Variants in ANK2 observed in about 807,000 individuals in gnomAD.
ANK2 encodes ankyrin 2.
A neutral mutation model predicts 360.5 loss-of-function variants in ANK2; 83 were observed. That is an observed-to-expected ratio of 0.23 (90% confidence interval 0.19 to 0.28). The LOEUF (loss-of-function observed/expected upper bound fraction) is 0.28, where lower values mean the gene tolerates loss of function less well. ANK2 is among the 10% of genes least tolerant of loss of function. The pLI is 1.00. For synonymous variants in ANK2, 1,740 were observed against 1,759.5 expected (o/e 0.99, Z 0.28); for missense variants, 4,201 against 4,795.7 (o/e 0.88, Z 3.66).
chr4:113,348,290 T>A lies in ANK2; in HGVS notation c.4386T>A (p.Asp1462Glu). 5 of 1,613,470 alleles carry A rather than the reference T, an allele frequency of 3.1e-6. No individual in the cohort carries two copies. The highest frequency in any genetic ancestry group is 4.2e-6 in the Non-Finnish European group (5 of 1,179,562). Reference sequence around the variant, plus strand: ...GGGGCGGAAAGGAATCAGAGTCAGATCAAGAACAGGAGGAAGAGGTAATTT... The same window carrying A: ...GGGGCGGAAAGGAATCAGAGTCAGAACAAGAACAGGAGGAAGAGGTAATTT... ...LPIYTKESES[D>E]QEQEEEIDMT... Residue 1462 changes from aspartate to glutamate, a missense_variant, in exon 36 of 46, where the codon GAT (aspartate) becomes GAA (glutamate). Coordinates refer to ENST00000357077, the MANE Select transcript of ANK2 (RefSeq NM_001148.6).
chr4:112,710,061 T>C, the ANK2 span, among the ~76,000 whole-genome samples: 10,796 of 152,274 alleles, frequency 0.071, 607 homozygotes, highest in African/African-American at 0.15. Context: ...AGCATGGTGC[T>C]GAGCGAGGCA....
Position 113,265,484 on chromosome 4 carries a change from T to C in ANK2, c.1485+489T>C, listed in dbSNP as rs542536563. On this transcript the variant is annotated intron_variant, in intron 14 of 45. Coordinates refer to ENST00000357077, the MANE Select transcript of ANK2 (RefSeq NM_001148.6). ...TTTGCCTTCCCTCCTTTTTATGATA[T>C]TTACTTTTCTTCTTACTCTGATTTT... 7.2e-5 allele frequency among the ~76,000 whole-genome samples: 11 copies of C among 152,324 alleles called. 1 individual carries two copies. The highest frequency in any genetic ancestry group is 6.2e-4 in the South Asian group (3 of 4,828).
chr4:113,081,861 G>A (rs938089637), intron 1 of ANK2, among the ~76,000 whole-genome samples: 2 of 150,690 alleles, frequency 1.3e-5, no homozygotes, highest in African/African-American at 2.4e-5. Flanking sequence ...CTAAGCTGGA[G>A]TGCAATGGTG....
At chr4:113,366,950 G>GAT (rs1475763660) in intron 41 of ANK2, among the ~76,000 whole-genome samples, 1 of 152,102 alleles carries the variant, frequency 6.6e-6, no homozygotes. Context: ...TGAGTCAATA[G>GAT]ATGAATGCCA....
intron 14 of ANK2, among the ~76,000 whole-genome samples, chr4:113,272,396 C>T (rs971909513): frequency 6.6e-6 from 1 of 152,218 alleles, no homozygotes; most frequent in Non-Finnish European, 1.5e-5. Context: ...TTCTTCTGCA[C>T]TTCCCCAATT....
intron 1 of ANK2, among the ~76,000 whole-genome samples, chr4:113,128,822 A>G (rs1274148433): frequency 6.6e-6 from 1 of 152,206 alleles, no homozygotes; most frequent in Non-Finnish European, 1.5e-5. Flanking sequence ...ATATAAAAAC[A>G]AATACGTAGA....
chr4:112,882,869 C>A (rs1056252254), intron 1 of ANK2, among the ~76,000 whole-genome samples: 3 of 151,810 alleles, frequency 2.0e-5, no homozygotes, highest in Admixed American at 2.0e-4. Flanking sequence ...AGGATGAAAG[C>A]CTTTATTAGC....
At chr4:113,170,482 A>G (rs1226871010) in intron 1 of ANK2, among the ~76,000 whole-genome samples, 3 of 152,216 alleles carry the variant, frequency 2.0e-5, no homozygotes, top group Admixed American at 6.5e-5. Context: ...ACACAAAGAC[A>G]TATACCGAAG....
chr4:112,705,819 A>G, the ANK2 span, among the ~76,000 whole-genome samples: 1 of 152,158 alleles, frequency 6.6e-6, no homozygotes, highest in Non-Finnish European at 1.5e-5. Flanking sequence ...GGCAGCTCGC[A>G]CTTTCAGAGC....
chr4:113,382,089 G>T lies in ANK2; in HGVS notation c.*618G>T. 1 of 176,456 alleles carries T rather than the reference G, an allele frequency of 5.7e-6. No homozygotes were observed. 10.9% of individuals were successfully genotyped at this position (176,456 alleles called of 1,614,324 possible). ...AACCACTGCCTATTGTAACTACACT[G>T]GGCATCAGAATAAAAGGCCTCTAGA... On this transcript the variant is annotated 3_prime_UTR_variant, in exon 46 of 46. Coordinates refer to ENST00000357077, the MANE Select transcript of ANK2 (RefSeq NM_001148.6).
At chr4:112,755,576 G>T in the ANK2 span, among the ~76,000 whole-genome samples, 159 of 152,276 alleles carry the variant, frequency 1.0e-3, no homozygotes, top group African/African-American at 3.2e-3. Flanking sequence ...GAATTATAAA[G>T]AAACTTCTTA....
intron 2 of ANK2, among the ~76,000 whole-genome samples, chr4:112,919,832 T>C (rs2090990780): frequency 6.6e-6 from 1 of 152,142 alleles, no homozygotes; most frequent in South Asian, 2.1e-4. Flanking sequence ...AAATGGAACA[T>C]CTTAATGCAA....
At chr4:112,938,347 T>G (rs1208540549) in intron 2 of ANK2, among the ~76,000 whole-genome samples, 1 of 152,210 alleles carries the variant, frequency 6.6e-6, no homozygotes, top group Admixed American at 6.5e-5. Context: ...CCAGACTTCT[T>G]TTTTCCATCA....
chr4:112,771,176 G>A, the ANK2 span, among the ~76,000 whole-genome samples: 2 of 152,142 alleles, frequency 1.3e-5, no homozygotes, highest in South Asian at 2.1e-4. Context: ...GCAATGGTGC[G>A]ATCTTGGCTT....
At chr4:113,219,718 A>G (rs899224686) in intron 4 of ANK2, among the ~76,000 whole-genome samples, 2 of 152,166 alleles carry the variant, frequency 1.3e-5, no homozygotes, top group Non-Finnish European at 2.9e-5. Context: ...ACTAAATAAT[A>G]TATTTTAACC....
intron 37 of ANK2, among the ~76,000 whole-genome samples, chr4:113,352,608 TC>T (rs1221388071): frequency 2.0e-5 from 3 of 152,310 alleles, no homozygotes; most frequent in Non-Finnish European, 4.4e-5. Context: ...TTCTGCAATT[TC>T]TAATGCTTTT....
At chr4:112,809,405 C>CA in the ANK2 span, among the ~76,000 whole-genome samples, 2 of 150,646 alleles carry the variant, frequency 1.3e-5, no homozygotes, top group African/African-American at 2.4e-5. Context: ...ACTAAATATA[C>CA]AAAAAATTAG....
chr4:112,826,508 C>G, intron 1 of ANK2: 1 of 1,215,330 alleles, frequency 8.2e-7, no homozygotes, highest in Non-Finnish European at 1.2e-6. Flanking sequence ...CCACATCTGA[C>G]AAGCCTGTTA....
At chr4:112,970,177 G>T (rs1186884538) in intron 2 of ANK2, among the ~76,000 whole-genome samples, 1 of 151,458 alleles carries the variant, frequency 6.6e-6, no homozygotes, top group East Asian at 1.9e-4. Context: ...GTAGAGACGG[G>T]GTTTCACCAT....
Sources: gnomAD v4.1 joint callset for allele counts (sites outside exome capture counted in the v4.1 genomes callset) on GRCh38, gnomAD v4.1.1 for gene constraint, MANE v1.5 for transcripts, NCBI Gene and HGNC (gene_info 2026-07-23, HGNC 2026-07-21) for gene names.